The following DPF3 variants were observed in gnomAD, a reference collection of about 807,000 sequenced individuals.
The protein encoded by DPF3 is zinc finger protein DPF3.
DPF3 carries 18 observed loss-of-function variants against 56.8 expected under a neutral mutation model. That is an observed-to-expected ratio of 0.32 (90% CI 0.22 to 0.47). The LOEUF (loss-of-function observed/expected upper bound fraction) is 0.47, where lower values mean the gene tolerates loss of function less well. Among genes scored for constraint, DPF3 ranks in the 20% least tolerant of loss-of-function variants. DPF3 has a pLI of 1.00. For synonymous variants in DPF3, 188 were observed against 180.2 expected (o/e 1.04, Z -0.35); for missense variants, 403 against 488.8 (o/e 0.82, Z 1.65).
At chr14:72,812,414 T>C in intron 1 of DPF3, among the ~76,000 whole-genome samples, 1 of 151,770 alleles carries the variant, frequency 6.6e-6, no homozygotes, top group East Asian at 1.9e-4. Context: ...GTGCTAAGCG[T>C]TTTCTGGCAG....
rs1040877799 is a variant in DPF3 at position 72,613,148 on chromosome 14, A to G, written c.*6149T>C. On this transcript the variant is annotated 3_prime_UTR_variant, in exon 11 of 11. Coordinates refer to ENST00000556509, the MANE Select transcript of DPF3 (RefSeq NM_001280542.3). ...AGAGGCGAGCAAATGAGCAAATGGG[A>G]TGCAGTGAGTGAAAATATAACCTGG... Among the ~76,000 whole-genome samples the G allele has an allele frequency of 1.4e-4, 22 of 152,140 alleles. No homozygotes were observed. The highest frequency in any genetic ancestry group is 5.3e-4 in the African/African-American group (22 of 41,442).
At chr14:72,680,116 G>A (rs375967077) in intron 7 of DPF3, among the ~76,000 whole-genome samples, 7 of 152,190 alleles carry the variant, frequency 4.6e-5, no homozygotes, top group Admixed American at 1.3e-4. Flanking sequence ...TAAAAGTGGC[G>A]TGATAGAGAC....
At chr14:72,651,894 C>T (rs1885919742) in intron 8 of DPF3, among the ~76,000 whole-genome samples, 1 of 152,192 alleles carries the variant, frequency 6.6e-6, no homozygotes, top group Non-Finnish European at 1.5e-5. Flanking sequence ...CTGGGAAGCT[C>T]AGGCTCATTT....
chr14:72,791,849 T>C (rs1354123182), intron 1 of DPF3, among the ~76,000 whole-genome samples: 2 of 152,162 alleles, frequency 1.3e-5, no homozygotes, highest in East Asian at 3.9e-4. Flanking sequence ...CACCAGTACA[T>C]GCTGCCTCAT....
chr14:72,672,056 CACAG>C (rs3057148), intron 8 of DPF3, among the ~76,000 whole-genome samples: 42,132 of 137,436 alleles, frequency 0.31, 6,175 homozygotes, highest in East Asian at 0.68. Context: ...CACACACACA[CACAG>C]ACACACACAC....
At chr14:72,635,901 T>TA (rs1885369987) in intron 8 of DPF3, among the ~76,000 whole-genome samples, 1 of 152,230 alleles carries the variant, frequency 6.6e-6, no homozygotes, top group Non-Finnish European at 1.5e-5. Context: ...ATTGAAAACA[T>TA]AAATAAAACA....
At chr14:72,842,194 C>T (rs1201066295) in intron 1 of DPF3, among the ~76,000 whole-genome samples, 1 of 152,136 alleles carries the variant, frequency 6.6e-6, no homozygotes, top group Non-Finnish European at 1.5e-5. Flanking sequence ...ATTCAGCAGC[C>T]TCTACTGAAC....
chr14:72,760,930 T>C (rs1302261106), intron 2 of DPF3, among the ~76,000 whole-genome samples: 2 of 152,098 alleles, frequency 1.3e-5, no homozygotes, highest in Non-Finnish European at 2.9e-5. Context: ...CTGGAGTGGC[T>C]ATATTGGAAT....
At chr14:72,738,579 G>C (rs771413130) in intron 3 of DPF3, among the ~76,000 whole-genome samples, 10 of 152,104 alleles carry the variant, frequency 6.6e-5, no homozygotes, top group Admixed American at 1.3e-4. Flanking sequence ...AGGGTGAGAC[G>C]GGGAGGGTGG....
At chr14:72,857,589 T>A (rs1336570068) in intron 1 of DPF3, among the ~76,000 whole-genome samples, 1 of 151,994 alleles carries the variant, frequency 6.6e-6, no homozygotes, top group East Asian at 1.9e-4. Flanking sequence ...TTTTTGTTTG[T>A]TTGTTTGTTT....
chr14:72,723,964 C>A (rs1302327029), intron 4 of DPF3: 1 of 408,778 alleles, frequency 2.4e-6, no homozygotes, highest in East Asian at 4.4e-5. Context: ...AGAACACTGA[C>A]CTTTTTCCAT....
At chr14:72,783,633 A>G (rs1364038554) in intron 1 of DPF3, among the ~76,000 whole-genome samples, 1 of 152,112 alleles carries the variant, frequency 6.6e-6, no homozygotes, top group Non-Finnish European at 1.5e-5. Flanking sequence ...CATACCCCAA[A>G]CCTGGAGAGA....
chr14:72,634,472 A>G (rs931001660), intron 8 of DPF3, among the ~76,000 whole-genome samples: 4 of 152,196 alleles, frequency 2.6e-5, no homozygotes, highest in African/African-American at 7.2e-5. Flanking sequence ...ACTTTTGCCC[A>G]GAACTAATTC....
intron 5 of DPF3, 143 bp downstream of exon 5, chr14:72,723,490 G>A: frequency 1.4e-6 from 1 of 717,146 alleles, no homozygotes; most frequent in Non-Finnish European, 2.2e-6. Flanking sequence ...TGGGATCAGA[G>A]CTCTTCTGGA....
chr14:72,732,085 T>C (rs1482867429), intron 3 of DPF3, among the ~76,000 whole-genome samples, 151 bp from the exon 4 acceptor site: 1 of 152,224 alleles, frequency 6.6e-6, no homozygotes, highest in Non-Finnish European at 1.5e-5. Flanking sequence ...ACTGGAGCCC[T>C]GTCCAGCTTT....
chr14:72,724,684 T>C (rs892809822), intron 4 of DPF3, among the ~76,000 whole-genome samples: 2 of 148,642 alleles, frequency 1.3e-5, no homozygotes, highest in Non-Finnish European at 3.0e-5. Flanking sequence ...GGGCTCCATG[T>C]CAGGGGGCCC....
intron 1 of DPF3, among the ~76,000 whole-genome samples, chr14:72,815,468 TC>T (rs1883245016): frequency 6.6e-6 from 1 of 152,212 alleles, no homozygotes; most frequent in Non-Finnish European, 1.5e-5. Flanking sequence ...TTTTCATTTC[TC>T]CCAGAGATTT....
intron 8 of DPF3, among the ~76,000 whole-genome samples, chr14:72,650,053 G>A (rs889629436): frequency 2.0e-5 from 3 of 152,172 alleles, no homozygotes; most frequent in Non-Finnish European, 4.4e-5. Flanking sequence ...AGAGGGCTGG[G>A]GCAATAGACA....
chr14:72,734,909 C>T (rs79745082), intron 3 of DPF3, among the ~76,000 whole-genome samples: 215 of 152,346 alleles, frequency 1.4e-3, no homozygotes, highest in Middle Eastern at 3.4e-3. Flanking sequence ...AAGCAGCAAA[C>T]ATTCAAAACT....
Sources: gnomAD v4.1 joint callset for allele counts (sites outside exome capture counted in the v4.1 genomes callset) on GRCh38, gnomAD v4.1.1 for gene constraint, MANE v1.5 for transcripts, NCBI Gene and HGNC (gene_info 2026-07-23, HGNC 2026-07-21) for gene names.